PBX1: variants seen among roughly 807,000 people sequenced by gnomAD.
The protein encoded by PBX1 is pre-B-cell leukemia transcription factor 1.
In PBX1, 6 loss-of-function variants were observed where a neutral mutation model predicts 53.4. The ratio of observed to expected loss-of-function variants is 0.11; its 90% CI spans 0.06 to 0.22. The LOEUF (loss-of-function observed/expected upper bound fraction) is 0.22. Ranked by LOEUF, PBX1 falls within the 10% of genes least tolerant of loss-of-function variation. PBX1 has a pLI of 1.00. For synonymous variants in PBX1, 204 were observed against 212.3 expected, an observed-to-expected ratio of 0.96 and a Z score of 0.34; for missense variants, 251 against 551.4, an observed-to-expected ratio of 0.46 and a Z score of 5.46.
intron 2 of PBX1, among the ~76,000 whole-genome samples, chr1:164,617,127 A>C (rs1342887649): frequency 1.3e-5 from 2 of 152,206 alleles, no homozygotes; most frequent in Non-Finnish European, 2.9e-5. Context: ...GGTGCCTTTA[A>C]ATTTTTATCC....
rs893363527 is a variant in PBX1 at position 164,871,083 on chromosome 1, G to T, written n.258-28105G>T. Reference sequence around the variant, plus strand: ...TATTAAAAAGTCAGCCAAAGACAGAGGGGAAGGATCAGACAGGTTCCCCAT... The same window carrying T: ...TATTAAAAAGTCAGCCAAAGACAGATGGGAAGGATCAGACAGGTTCCCCAT... On this transcript the variant is annotated intron_variant and non_coding_transcript_variant, in intron 2 of 2. Transcript: ENST00000558796. Among the ~76,000 whole-genome samples, 11 of 152,206 alleles carry T rather than the reference G, an allele frequency of 7.2e-5. 1 individual carries two copies. Among genetic ancestry groups the T allele is most frequent in the African/African-American group, 2.7e-4 (11 of 41,452 alleles).
At chr1:164,676,981 T>A (rs1661466662) in intron 2 of PBX1, among the ~76,000 whole-genome samples, 3 of 152,294 alleles carry the variant, frequency 2.0e-5, no homozygotes, top group African/African-American at 7.2e-5. Flanking sequence ...CTACCTTTTT[T>A]TTTCCCAACT....
rs1400591747 is a variant in PBX1, at chr1:164,820,258, G to A, written c.1110+74G>A. ...AGCCCTCAGTTGTATTGGACTTCCT[G>A]CTTCTGTCCAGAGAGAGAGAGAAAA... On this transcript the variant is annotated intron_variant, in intron 7 of 8. Transcript: ENST00000420696. 4.7e-6 allele frequency: 4 copies of A among 855,864 alleles called. No individual in the cohort carries two copies. In the African/African-American group the frequency reaches 6.7e-5, roughly 14 times the overall value. The allele number at this position is 855,864 out of a possible 1,614,324, so 53.0% of individuals were successfully genotyped here. A position where few individuals can be genotyped will look rare whatever the true frequency, so the allele number is the denominator to read the frequency against.
intron 2 of PBX1, among the ~76,000 whole-genome samples, chr1:164,871,853 C>G (rs1327430492): frequency 2.1e-5 from 1 of 47,238 alleles, no homozygotes; most frequent in Non-Finnish European, 5.4e-5. Flanking sequence ...ACACCATTCT[C>G]TATCATAGCA....
intron 2 of PBX1, among the ~76,000 whole-genome samples, chr1:164,565,788 C>T (rs1169146162): frequency 6.6e-6 from 1 of 150,466 alleles, no homozygotes; most frequent in Non-Finnish European, 1.5e-5. Context: ...TGATACAGAG[C>T]TGGTGAAAAC....
At chr1:164,664,471 G>T (rs1660690335) in intron 2 of PBX1, among the ~76,000 whole-genome samples, 1 of 152,154 alleles carries the variant, frequency 6.6e-6, no homozygotes, top group African/African-American at 2.4e-5. Flanking sequence ...CCACAGTCAG[G>T]TGTGACCAAA....
intron 2 of PBX1, among the ~76,000 whole-genome samples, chr1:164,670,827 G>A (rs529348336): frequency 1.3e-5 from 2 of 152,184 alleles, no homozygotes; most frequent in Admixed American, 6.5e-5. Context: ...CAAAGCATTG[G>A]GGGGAGGATC....
chr1:164,786,720 T>TGTGCGCGCGCGCGCGC (rs1357886882), intron 2 of PBX1, among the ~76,000 whole-genome samples: 1 of 116,256 alleles, frequency 8.6e-6, no homozygotes, highest in African/African-American at 3.5e-5. Context: ...TGTGTGTGTG[T>TGTGCGCGCGCGCGCGC]GCGCGCGCAC....
intron 2 of PBX1, among the ~76,000 whole-genome samples, chr1:164,576,208 A>G (rs1038593807): frequency 6.6e-6 from 1 of 152,212 alleles, no homozygotes; most frequent in South Asian, 2.1e-4. Flanking sequence ...CAGAAAGGAT[A>G]ATGATGATGC....
At chr1:164,700,842 C>T (rs1780347) in intron 2 of PBX1, 127,659 of 493,334 alleles carry the variant, frequency 0.26, 16,391 homozygotes, top group East Asian at 0.47. Flanking sequence ...TGCCACTTAG[C>T]TGATATGGAC....
intron 2 of PBX1, chr1:164,674,695 A>G (rs1246421867): frequency 6.6e-6 from 1 of 152,208 alleles, no homozygotes. Context: ...CCAGTGTGCC[A>G]TAGCTTCAGG....
At chr1:164,635,329 G>C (rs1658688719) in intron 2 of PBX1, among the ~76,000 whole-genome samples, 1 of 152,080 alleles carries the variant, frequency 6.6e-6, no homozygotes, top group African/African-American at 2.4e-5. Context: ...TGGGGGGCGA[G>C]GGGGGAGGGA....
chr1:164,759,717 A>G (rs2102217787), intron 2 of PBX1, among the ~76,000 whole-genome samples: 1 of 152,290 alleles, frequency 6.6e-6, no homozygotes, highest in Admixed American at 6.5e-5. Flanking sequence ...ACAGGTGGAC[A>G]ATCGGGGACA....
At chr1:164,880,358 A>G (rs190803416) in intron 2 of PBX1, among the ~76,000 whole-genome samples, 34 of 152,296 alleles carry the variant, frequency 2.2e-4, no homozygotes, top group African/African-American at 7.2e-4. Context: ...CTGTGTGTCA[A>G]TGCACTCTCA....
intron 2 of PBX1, among the ~76,000 whole-genome samples, chr1:164,704,215 A>G (rs563248493): frequency 6.6e-6 from 1 of 152,348 alleles, no homozygotes; most frequent in East Asian, 1.9e-4. Context: ...TGTGGGAAAT[A>G]TGATAATAAC....
rs147146908 is a variant in PBX1 at position 164,712,454 on chromosome 1, G to C, written c.266-80040G>C. Among the ~76,000 whole-genome samples, 193 of 152,282 alleles carry C rather than the reference G, an allele frequency of 1.3e-3. 1 individual carries two copies. The highest frequency in any genetic ancestry group is 6.8e-3 in the Middle Eastern group (2 of 294). ...CAGGCTGTTAGCAGCCTTATCGCTCGGGAGAGATAGGCCAAAATAAGCAGA... is the reference window on the plus strand; with the variant it reads ...CAGGCTGTTAGCAGCCTTATCGCTCCGGAGAGATAGGCCAAAATAAGCAGA... On this transcript the variant is annotated intron_variant, in intron 2 of 8. Transcript: ENST00000420696.
At chr1:164,720,736 G>A (rs1212506669) in intron 2 of PBX1, among the ~76,000 whole-genome samples, 2 of 152,196 alleles carry the variant, frequency 1.3e-5, no homozygotes, top group African/African-American at 4.8e-5. Flanking sequence ...TCTAGCTAAT[G>A]TCTTATTCAG....
chr1:164,718,265 A>G (rs763414001), intron 2 of PBX1, among the ~76,000 whole-genome samples: 2 of 152,222 alleles, frequency 1.3e-5, no homozygotes, highest in Non-Finnish European at 2.9e-5. Context: ...ATTCAAGGTA[A>G]TTTTGGAGAA....
intron 2 of PBX1, among the ~76,000 whole-genome samples, chr1:164,635,526 T>C (rs545702131): frequency 1.3e-5 from 2 of 152,340 alleles, no homozygotes; most frequent in Admixed American, 6.5e-5. Flanking sequence ...AAATCAACAC[T>C]AATCAACATT....
Sources: allele counts gnomAD v4.1 joint callset (sites outside exome capture counted in the v4.1 genomes callset), GRCh38; gene constraint gnomAD v4.1.1; transcripts MANE v1.5; gene names NCBI Gene and HGNC (gene_info 2026-07-23, HGNC 2026-07-21).